PAGE2B: variants seen among roughly 807,000 people sequenced by gnomAD.
PAGE2B encodes the protein PAGE family member 2B, also known as putative G antigen family E member 3.
PAGE2B carries 5 observed loss-of-function variants against 7.6 expected under a neutral mutation model. The observed-to-expected ratio is 0.66, with a 90% CI of 0.34 to 1.38. The LOEUF is 1.38. Among genes scored for constraint, PAGE2B ranks in the 40% most tolerant of loss-of-function variants. The pLI is 0.04. For missense variants in PAGE2B, 70 were observed against 78.4 expected (o/e 0.89, Z 0.41); for synonymous variants, 29 against 26.7 (o/e 1.09, Z -0.27).
chrX:55,076,244 C>T, intron 2 of PAGE2B, 119 bp downstream of exon 2: 1 of 853,181 alleles, frequency 1.2e-6, no homozygotes, highest in East Asian at 3.4e-5. Flanking sequence ...ATGATGGCAT[C>T]TCATGAAGGA....
At chrX:55,040,066 T>C in the PAGE2B span, among the ~76,000 whole-genome samples, 1 of 108,545 alleles carries the variant, frequency 9.2e-6, no homozygotes, top group Non-Finnish European at 1.9e-5. Context: ...TTTGAAGAGA[T>C]CATAAACCAG....
chrX:55,057,268 G>A, the PAGE2B span, among the ~76,000 whole-genome samples: 1 of 111,520 alleles, frequency 9.0e-6, no homozygotes, highest in East Asian at 2.8e-4. Flanking sequence ...TCGGTTACCA[G>A]GGAAACTGAA....
the PAGE2B span, among the ~76,000 whole-genome samples, chrX:55,029,359 G>C: frequency 9.0e-6 from 1 of 111,712 alleles, no homozygotes; most frequent in Non-Finnish European, 1.9e-5. Flanking sequence ...CTCTGTGCCA[G>C]GCCGTGTTCT....
upstream of PAGE2B, among the ~76,000 whole-genome samples, chrX:55,074,657 A>G (rs1048853588): frequency 8.9e-6 from 1 of 112,344 alleles, no homozygotes; most frequent in Admixed American, 9.4e-5. Context: ...ATGACAGCAA[A>G]CTCGTGAAGG....
chrX:55,072,801 C>A (rs1035814082), upstream of PAGE2B, among the ~76,000 whole-genome samples: 7 of 112,235 alleles, frequency 6.2e-5, no homozygotes, highest in Admixed American at 6.6e-4. Context: ...AATCTGGCCA[C>A]AGCCACTTTG....
chrX:55,044,410 G>T, the PAGE2B span, among the ~76,000 whole-genome samples: 3 of 111,475 alleles, frequency 2.7e-5, no homozygotes, highest in Admixed American at 9.5e-5. Context: ...AAGCTATGAG[G>T]ATGCAAAGGC....
chrX:55,050,939 G>A, the PAGE2B span, among the ~76,000 whole-genome samples: 1 of 111,509 alleles, frequency 9.0e-6, no homozygotes, highest in Non-Finnish European at 1.9e-5. Flanking sequence ...TTTTGCATTG[G>A]CTGGTACCGG....
chrX:55,064,190 G>A, the PAGE2B span, among the ~76,000 whole-genome samples: 1 of 111,154 alleles, frequency 9.0e-6, no homozygotes. Context: ...TGGATCCTGA[G>A]TTTCCTTTGC....
At chrX:55,072,881 T>G (rs1449348445), upstream of PAGE2B, among the ~76,000 whole-genome samples, 1 of 111,600 alleles carries the variant, frequency 9.0e-6, no homozygotes, top group Non-Finnish European at 1.9e-5. Flanking sequence ...GAAAACCACC[T>G]TCTCAAGCCT....
chrX:55,043,221 A>C, the PAGE2B span, among the ~76,000 whole-genome samples: 1 of 112,259 alleles, frequency 8.9e-6, no homozygotes, highest in African/African-American at 3.2e-5. Flanking sequence ...CTAAGACCTG[A>C]AACCATAAAA....
At chrX:55,075,428 T>G (rs1229721071) in intron 1 of PAGE2B, among the ~76,000 whole-genome samples, 1 of 110,551 alleles carries the variant, frequency 9.0e-6, no homozygotes, top group African/African-American at 3.3e-5. Context: ...GAGGACAGTT[T>G]CCAGACTCCT....
chrX:55,059,510 TTA>T, the PAGE2B span, among the ~76,000 whole-genome samples: 6 of 111,565 alleles, frequency 5.4e-5, 1 homozygote, highest in African/African-American at 1.9e-4. Context: ...AAAATACAAA[TTA>T]TATATATATG....
In PAGE2B at chrX:55,076,133, C is replaced by T; in HGVS notation, c.84+8C>T. On this transcript the variant is annotated splice_region_variant and intron_variant, in intron 2 of 4. Transcript: ENST00000374971. ...CCAGTTGGATCTGTGATTGTGAGTC[C>T]TTTAACATTTGATGTTTCCTATTAA... 3 of 1,198,295 alleles carry T rather than the reference C, an allele frequency of 2.5e-6. No homozygotes were observed. The highest frequency in any genetic ancestry group is 1.8e-5 in the South Asian group (1 of 55,739).
chrX:55,076,242 A>T (rs1936511660), intron 2 of PAGE2B, 117 bp downstream of exon 2: 8 of 878,751 alleles, frequency 9.1e-6, no homozygotes, highest in Non-Finnish European at 1.6e-6. Context: ...TGATGATGGC[A>T]TCTCATGAAG....
intron 1 of PAGE2B, among the ~76,000 whole-genome samples, 172 bp from the exon 2 acceptor site, chrX:55,075,862 A>G (rs1169013807): frequency 8.9e-6 from 1 of 111,777 alleles, no homozygotes; most frequent in Non-Finnish European, 1.9e-5. Context: ...TGATACAAAC[A>G]AATCTGTCCT....
At chrX:55,061,626 T>G in the PAGE2B span, among the ~76,000 whole-genome samples, 31 of 111,186 alleles carry the variant, frequency 2.8e-4, 1 homozygote, top group East Asian at 5.1e-3. Flanking sequence ...TATTTTAAAA[T>G]GTATGATTAA....
the PAGE2B span, among the ~76,000 whole-genome samples, chrX:55,065,586 G>T: frequency 9.0e-6 from 1 of 110,906 alleles, no homozygotes; most frequent in East Asian, 2.8e-4. Flanking sequence ...TTTTGTTTTT[G>T]GTTTTCTGGT....
the PAGE2B span, among the ~76,000 whole-genome samples, chrX:55,046,657 C>G: frequency 8.9e-6 from 1 of 111,854 alleles, no homozygotes; most frequent in Non-Finnish European, 1.9e-5. Flanking sequence ...CAGTTTATGA[C>G]CAACTTTATA....
chrX:55,045,896 C>T, the PAGE2B span, among the ~76,000 whole-genome samples: 1 of 111,193 alleles, frequency 9.0e-6, no homozygotes, highest in Admixed American at 9.6e-5. Context: ...CTACGTTGCA[C>T]GGTCTATTTT....
Sources: allele counts gnomAD v4.1 joint callset (sites outside exome capture counted in the v4.1 genomes callset), GRCh38; gene constraint gnomAD v4.1.1; transcripts MANE v1.5; gene names NCBI Gene and HGNC (gene_info 2026-07-23, HGNC 2026-07-21).